LPIN1: variants seen among roughly 807,000 people sequenced by gnomAD.
LPIN1 encodes the protein phosphatidate phosphatase LPIN1.
A neutral mutation model predicts 107.5 loss-of-function variants in LPIN1; 71 were observed. The observed-to-expected ratio is 0.66, with a 90% confidence interval of 0.55 to 0.80. The LOEUF is 0.80. Ranked by LOEUF, LPIN1 falls within the 30% of genes least tolerant of loss-of-function variation. The pLI, the probability that LPIN1 is intolerant of heterozygous loss-of-function variation, is 0.00. For synonymous variants in LPIN1, 445 were observed against 452.6 expected (o/e 0.98, Z 0.21); for missense variants, 1,043 against 1,160.6 (o/e 0.90, Z 1.47).
chr2:11,700,850 C>T (rs746141712), intron 1 of LPIN1, among the ~76,000 whole-genome samples: 4 of 152,212 alleles, frequency 2.6e-5, no homozygotes, highest in Non-Finnish European at 5.9e-5. Context: ...CCACATCCCT[C>T]CACCTCCCCA....
chr2:11,761,759 A>T (rs1002759048), intron 1 of LPIN1, among the ~76,000 whole-genome samples: 1 of 152,140 alleles, frequency 6.6e-6, no homozygotes, highest in African/African-American at 2.4e-5. Context: ...CAAAAGGTAT[A>T]TTTTGTTTTT....
chr2:11,794,169 A>C (rs1282485335), intron 13 of LPIN1, among the ~76,000 whole-genome samples: 2 of 152,238 alleles, frequency 1.3e-5, no homozygotes, highest in East Asian at 3.8e-4. Context: ...ATGAGTTCAA[A>C]TATATATGCT....
At chr2:11,695,565 G>A (rs1450001667) in intron 1 of LPIN1, among the ~76,000 whole-genome samples, 1 of 152,214 alleles carries the variant, frequency 6.6e-6, no homozygotes. Flanking sequence ...GAGCAGATTG[G>A]TTAACTTCAG....
intron 1 of LPIN1, among the ~76,000 whole-genome samples, chr2:11,726,500 T>A (rs1664673946): frequency 6.6e-6 from 1 of 151,906 alleles, no homozygotes. Flanking sequence ...TCTGCTCATC[T>A]GTCCTGGTTG....
At position 11,765,380 on chromosome 2, in the gene LPIN1, C is replaced by T. The variant is rs1290978398; in HGVS notation, c.-9-153C>T. 6.6e-6 allele frequency among the ~76,000 whole-genome samples: 1 copy of T among 152,152 alleles called. No homozygotes were observed. The highest frequency in any genetic ancestry group is 1.5e-5 in the Non-Finnish European group (1 of 68,022). ...ATGGGCCCTGATGGACCCTGATGGG[C>T]TATGGGGGTGGATAGAACACATTCC... On this transcript the variant is annotated intron_variant, in intron 1 of 20. Transcript: ENST00000674199. The surrounding 1 kb of genome is among the most constrained non-coding windows in gnomAD (Gnocchi z 4.4).
intron 14 of LPIN1, among the ~76,000 whole-genome samples, chr2:11,795,887 T>G (rs1045009236): frequency 3.9e-5 from 6 of 152,244 alleles, no homozygotes; most frequent in African/African-American, 1.4e-4. Context: ...TGCCTTTCTC[T>G]GTAATTTAAA....
intron 18 of LPIN1, chr2:11,818,059 T>G (rs1372022116): frequency 1.3e-5 from 2 of 152,104 alleles, no homozygotes; most frequent in Admixed American, 1.3e-4. Context: ...TTTGTTCCAC[T>G]GGCAAAGGCC....
chr2:11,785,914 G>C (rs1461191504), intron 10 of LPIN1, among the ~76,000 whole-genome samples: 3 of 152,150 alleles, frequency 2.0e-5, no homozygotes, highest in Non-Finnish European at 4.4e-5. Context: ...TTGTGTGCTG[G>C]GTCCCGCCGG....
intron 14 of LPIN1, among the ~76,000 whole-genome samples, chr2:11,797,882 A>G (rs895855235): frequency 4.6e-5 from 7 of 152,272 alleles, no homozygotes; most frequent in Non-Finnish European, 7.4e-5. Context: ...CCAGGGGCAG[A>G]ATGATATGCT....
chr2:11,795,320 C>A, intron 13 of LPIN1, 88 bp from the exon 14 acceptor site: 1 of 1,073,858 alleles, frequency 9.3e-7, no homozygotes, highest in Non-Finnish European at 1.4e-6. Context: ...AGGGGTCCTG[C>A]CTTAAGGAAG....
At position 11,803,647 on chromosome 2, in the gene LPIN1, TACTAGGAAAAG is replaced by T. The variant is rs1319331107; in HGVS notation, c.2013+616_2013+626del. Among the ~76,000 whole-genome samples, 1 of 152,114 alleles carries T rather than the reference TACTAGGAAAAG, an allele frequency of 6.6e-6. No individual in the cohort carries two copies. The highest frequency in any genetic ancestry group is 1.5e-5 in the Non-Finnish European group (1 of 68,012). On this transcript the variant is annotated intron_variant, in intron 15 of 20. Coordinates refer to ENST00000674199, the MANE Select transcript of LPIN1 (RefSeq NM_001349206.2). The surrounding 1 kb of genome is among the most constrained non-coding windows in gnomAD (Gnocchi z 4.2). Reference sequence around the variant, plus strand: ...AGCCTGGCTCAAGTGTGAGGGTGTTTACTAGGAAAAGATAAGGAAGAGGCCCAGACACCCAC... The same window carrying T: ...AGCCTGGCTCAAGTGTGAGGGTGTTTATAAGGAAGAGGCCCAGACACCCAC...
At chr2:11,699,087 T>A (rs1662734694) in intron 1 of LPIN1, among the ~76,000 whole-genome samples, 1 of 152,178 alleles carries the variant, frequency 6.6e-6, no homozygotes, top group East Asian at 1.9e-4. Context: ...TTAAAAAAAA[T>A]GCAATTTTAT....
At chr2:11,768,599 T>C (rs935009345) in intron 3 of LPIN1, among the ~76,000 whole-genome samples, 1 of 152,196 alleles carries the variant, frequency 6.6e-6, no homozygotes, top group African/African-American at 2.4e-5. Flanking sequence ...AGTATTCCAT[T>C]GTATCTATAG....
rs1419523049 is a variant in LPIN1, at chr2:11,802,954, A to G, written c.1934A>G (p.Lys645Arg). Residue 645 changes from lysine (K) to arginine (R), a missense_variant, in exon 15 of 21, where the codon AAG becomes AGG. Physicochemically the swap from Lys to Arg is conservative, Grantham distance 26. Transcript: ENST00000674199. ...SSSDEERAAA[K>R]PSNAGHLPLL... is the part of the protein sequence containing the mutation. The stretch of plus-strand genomic sequence containing the variant: ...AGTGATGAGGAGCGCGCAGCTGCCA[A>G]GCCATCAAACGCAGGCCACCTCCCT... 2 of 1,613,532 alleles carry G rather than the reference A, an allele frequency of 1.2e-6. No homozygotes were observed. The highest frequency in any genetic ancestry group is 1.7e-5 in the Admixed American group (1 of 60,032).
At chr2:11,734,317 C>T (rs1369202833) in intron 1 of LPIN1, among the ~76,000 whole-genome samples, 9 of 151,680 alleles carry the variant, frequency 5.9e-5, no homozygotes, top group East Asian at 3.9e-4. Context: ...TCCTCACTCA[C>T]GCCCTTTGAG....
rs558477585 is a variant in LPIN1 at position 11,718,991 on chromosome 2, G to A, written c.138+5179G>A. Among the ~76,000 whole-genome samples the A allele has an allele frequency of 2.0e-5, 3 of 152,210 alleles. No individual in the cohort carries two copies. In the East Asian group the frequency reaches 5.8e-4, roughly 29 times the overall value. ...GACTTTTTTGGTCTGTGATTTGGCA[G>A]ATTTTATAAATTTCACTTTCTATTG... On this transcript the variant is annotated intron_variant, in intron 2 of 21. Coordinates refer to the LPIN1 transcript ENST00000449576.
At chr2:11,766,412 C>T (rs1670896141) in intron 2 of LPIN1, among the ~76,000 whole-genome samples, 1 of 152,060 alleles carries the variant, frequency 6.6e-6, no homozygotes, top group Non-Finnish European at 1.5e-5. Context: ...TGCAGGGTGG[C>T]CAATTCTGAC....
At chr2:11,815,261 A>G in intron 18 of LPIN1, 21 bp downstream of exon 18, 1 of 1,613,218 alleles carries the variant, frequency 6.2e-7, no homozygotes. Context: ...TGCTCCCTGC[A>G]CCTCCATCTG....
chr2:11,822,935 T>C (rs1681797523), intron 20 of LPIN1: 1 of 152,238 alleles, frequency 6.6e-6, no homozygotes, highest in South Asian at 2.1e-4. Context: ...CAGACTTTAC[T>C]CATTGCCAGG....
Sources: gnomAD v4.1 joint callset for allele counts (sites outside exome capture counted in the v4.1 genomes callset) on GRCh38, gnomAD v4.1.1 for gene constraint, Gnocchi (gnomAD v3.1) non-coding constraint, MANE v1.5 for transcripts, NCBI Gene and HGNC (gene_info 2026-07-23, HGNC 2026-07-21) for gene names.